CHD7: variants seen among roughly 807,000 people sequenced by gnomAD.
CHD7 encodes the protein chromodomain helicase DNA binding protein 7.
CHD7 carries 24 observed loss-of-function variants against 307.3 expected under a neutral mutation model. The ratio of observed to expected loss-of-function variants is 0.08; its 90% CI spans 0.06 to 0.11. The LOEUF (loss-of-function observed/expected upper bound fraction) is 0.11. Among genes scored for constraint, CHD7 ranks in the 10% least tolerant of loss-of-function variants. The probability of loss-of-function intolerance (pLI) is 1.00; values close to 1 mark genes in which losing one functional copy is unlikely to be tolerated. For missense variants in CHD7, 3,106 were observed against 3,727.1 expected, an observed-to-expected ratio of 0.83 and a Z score of 4.34; for synonymous variants, 1,363 against 1,349.9, an observed-to-expected ratio of 1.01 and a Z score of -0.21.
chr8:60,783,450 C>T (rs1484973219), intron 3 of CHD7, among the ~76,000 whole-genome samples: 1 of 152,146 alleles, frequency 6.6e-6, no homozygotes, highest in Non-Finnish European at 1.5e-5. Flanking sequence ...GCCTCATAGG[C>T]TTGCTGTCCA....
chr8:60,731,509 T>A (rs74649760), intron 1 of CHD7, among the ~76,000 whole-genome samples: 1 of 152,076 alleles, frequency 6.6e-6, no homozygotes. Flanking sequence ...CCACTAGAGG[T>A]CTTGGTACGT....
At position 60,742,668 on chromosome 8, in the gene CHD7, A is replaced by G. The variant is rs753472856; in HGVS notation, c.1236A>G (p.Gln412=). The part of the protein sequence containing the change: ...MSNPAGTPPP[Q]VRPGSAGIPM... Reference sequence around the variant, plus strand: ...ATCCAGCAGGCACTCCTCCTCCACAAGTCAGGCCGGGAAGTGCTGGGATAC... The same window carrying G: ...ATCCAGCAGGCACTCCTCCTCCACAGGTCAGGCCGGGAAGTGCTGGGATAC... The change falls in exon 2 of 38, where the codon CAA becomes CAG. Residue 412 remains glutamine (Q), a synonymous_variant. Transcript: ENST00000423902. The G allele has an allele frequency of 1.2e-6, 2 of 1,610,624 alleles. No homozygotes were observed. The highest frequency in any genetic ancestry group is 2.2e-5 in the East Asian group (1 of 44,830).
chr8:60,798,944 C>T (rs1277150791), intron 4 of CHD7, among the ~76,000 whole-genome samples: 1 of 152,130 alleles, frequency 6.6e-6, no homozygotes. Context: ...GAGTTCAGAA[C>T]CTCTTGTTCT....
chr8:60,713,049 CAAAAA>C (rs373922396), intron 1 of CHD7, among the ~76,000 whole-genome samples: 2 of 102,160 alleles, frequency 2.0e-5, no homozygotes, highest in African/African-American at 3.9e-5. Context: ...AACTCTGTCT[CAAAAA>C]AAAAAAAAAA....
chr8:60,737,687 A>T (rs998586422), intron 1 of CHD7, among the ~76,000 whole-genome samples: 5 of 152,324 alleles, frequency 3.3e-5, no homozygotes, highest in Admixed American at 3.3e-4. Context: ...CACTGAGTAG[A>T]AACTTGAATT....
intron 2 of CHD7, among the ~76,000 whole-genome samples, chr8:60,763,314 T>G (rs1473052983): frequency 6.6e-6 from 1 of 152,230 alleles, no homozygotes; most frequent in Non-Finnish European, 1.5e-5. Flanking sequence ...GATCTGGTGC[T>G]TTTGTACTTG....
intron 1 of CHD7, among the ~76,000 whole-genome samples, chr8:60,688,031 C>T: frequency 6.6e-6 from 1 of 152,142 alleles, no homozygotes; most frequent in South Asian, 2.1e-4. Context: ...CTATTTTTTT[C>T]TGTACTTCCT....
At chr8:60,688,803 A>T (rs1206246631) in intron 1 of CHD7, among the ~76,000 whole-genome samples, 1 of 152,208 alleles carries the variant, frequency 6.6e-6, no homozygotes, top group Non-Finnish European at 1.5e-5. Flanking sequence ...ATGTTTGATC[A>T]GCTCTGGGAT....
intron 32 of CHD7, 43 bp from the exon 33 acceptor site, chr8:60,855,932 A>ACG (rs777547650): frequency 2.5e-4 from 330 of 1,343,708 alleles, no homozygotes; most frequent in Non-Finnish European, 3.2e-4. Context: ...AATTTTAACC[A>ACG]GGGCTTTGTT....
intron 15 of CHD7, among the ~76,000 whole-genome samples, chr8:60,835,805 G>A (rs1047426636): frequency 3.9e-5 from 6 of 152,160 alleles, no homozygotes; most frequent in Admixed American, 1.3e-4. Context: ...TTGAAATTCC[G>A]TTTTTACAGA....
At chr8:60,709,546 G>A (rs1380396485) in intron 1 of CHD7, among the ~76,000 whole-genome samples, 1 of 152,146 alleles carries the variant, frequency 6.6e-6, no homozygotes, top group African/African-American at 2.4e-5. Context: ...ACTAGATTGA[G>A]TTCATGAAGA....
At chr8:60,821,210 T>G (rs927048441) in intron 9 of CHD7, among the ~76,000 whole-genome samples, 12 of 152,238 alleles carry the variant, frequency 7.9e-5, no homozygotes, top group Non-Finnish European at 1.6e-4. Context: ...ATTTACCATG[T>G]AAGTCTGAAT....
In CHD7 at chr8:60,678,811, C is replaced by CGGCGGCGGCGGCGGCGGCGGCGGCG. The variant is rs1563507174; in HGVS notation, c.-445_-444insGCGGCGGCGGCGGCGGCGGCGGCGG. ...GCGGCAGCGGCGGCGGCGGCGGCGG[C>CGGCGGCGGCGGCGGCGGCGGCGGCG]GCGGGGGTTGAGTCGTGGTGGTGCG... On this transcript the variant is annotated 5_prime_UTR_variant, in exon 1 of 38. Transcript: ENST00000423902. 1 of 146,724 alleles carries CGGCGGCGGCGGCGGCGGCGGCGGCG rather than the reference C, an allele frequency of 6.8e-6. No individual in the cohort carries two copies. Among genetic ancestry groups the CGGCGGCGGCGGCGGCGGCGGCGGCG allele is most frequent in the African/African-American group, 2.5e-5 (1 of 40,036 alleles). The allele number at this position is 146,724 out of a possible 1,614,324, so 9.1% of individuals were successfully genotyped here. A position where few individuals can be genotyped will look rare whatever the true frequency, so the allele number is the denominator to read the frequency against.
rs1812909911 is a variant in CHD7, at chr8:60,813,559, A to G, written c.2499-2828A>G. Among the ~76,000 whole-genome samples the G allele has an allele frequency of 3.9e-5, 6 of 152,304 alleles. No homozygotes were observed. In the South Asian group the frequency reaches 1.2e-3, roughly 32 times the overall value. On this transcript the variant is annotated intron_variant, in intron 7 of 37. Coordinates refer to ENST00000423902, the MANE Select transcript of CHD7 (RefSeq NM_017780.4). ...AAAATCTTCAAATATGTGTTAACAA[A>G]ATACCTATCAATTCCTATCTTCCTA...
At chr8:60,689,469 G>A (rs546166036) in intron 1 of CHD7, among the ~76,000 whole-genome samples, 1 of 152,330 alleles carries the variant, frequency 6.6e-6, no homozygotes, top group East Asian at 1.9e-4. Context: ...TAATAAATTT[G>A]TCTAAGATCA....
intron 2 of CHD7, among the ~76,000 whole-genome samples, chr8:60,775,313 A>G (rs967956101): frequency 1.3e-4 from 6 of 47,306 alleles, no homozygotes; most frequent in Non-Finnish European, 6.1e-4. Context: ...ACATATAGGA[A>G]TATGTAACAA....
At position 60,733,793 on chromosome 8, in the gene CHD7, A is replaced by AG. The variant is rs67408723; in HGVS notation, c.-174-7466_-174-7465insG. 5.1e-3 allele frequency among the ~76,000 whole-genome samples: 461 copies of AG among 90,538 alleles called. 2 individuals carry two copies. Among genetic ancestry groups the AG allele is most frequent in the African/African-American group, 0.026 (444 of 17,394 alleles). The allele number at this position is 90,538 out of a possible 152,430, so 59.4% of individuals were successfully genotyped here. On this transcript the variant is annotated intron_variant, in intron 1 of 37. Transcript: ENST00000423902. The stretch of plus-strand genomic sequence containing the variant: ...AAAAGAACAGCTTTTTTTTTTTATC[A>AG]TAAAGGCTACTCAGAATATCCAGAG...
intron 13 of CHD7, 38 bp downstream of exon 13, chr8:60,824,054 AGAATT>A: frequency 1.3e-6 from 2 of 1,573,750 alleles, no homozygotes; most frequent in Admixed American, 3.4e-5. Context: ...GAACCTGAAT[AGAATT>A]GTTGCTGACT....
At chr8:60,687,466 G>A (rs1222060175) in intron 1 of CHD7, among the ~76,000 whole-genome samples, 1 of 152,144 alleles carries the variant, frequency 6.6e-6, no homozygotes, top group Non-Finnish European at 1.5e-5. Flanking sequence ...ACTTGGCCTT[G>A]TTTGTGCTTG....
Sources: allele counts gnomAD v4.1 joint callset (sites outside exome capture counted in the v4.1 genomes callset), GRCh38; gene constraint gnomAD v4.1.1; transcripts MANE v1.5; gene names NCBI Gene and HGNC (gene_info 2026-07-23, HGNC 2026-07-21).